The following PDGFC variants were observed in gnomAD, a reference collection of about 807,000 sequenced individuals.
PDGFC encodes the protein platelet derived growth factor C, also known as platelet-derived growth factor C.
Under a neutral mutation model 35.5 loss-of-function variants are expected in PDGFC, and 12 were observed. That is an observed-to-expected ratio of 0.34 (90% confidence interval 0.22 to 0.55). The LOEUF is 0.55. Ranked by LOEUF, PDGFC falls within the 20% of genes least tolerant of loss-of-function variation. PDGFC has a pLI of 0.91. For synonymous variants in PDGFC, 159 were observed against 148.8 expected, an observed-to-expected ratio of 1.07 and a Z score of -0.50; for missense variants, 322 against 412.4, an observed-to-expected ratio of 0.78 and a Z score of 1.90.
intron 1 of PDGFC, among the ~76,000 whole-genome samples, chr4:156,945,547 G>C (rs1468850706): frequency 6.6e-6 from 1 of 151,348 alleles, no homozygotes; most frequent in Non-Finnish European, 1.5e-5. Context: ...AAAGCAGGGG[G>C]GCAAATGAAT....
intron 1 of PDGFC, among the ~76,000 whole-genome samples, chr4:156,919,554 G>A (rs971091759): frequency 3.3e-5 from 5 of 152,014 alleles, no homozygotes; most frequent in African/African-American, 1.2e-4. Flanking sequence ...TACCCTTCAA[G>A]CAATTGCCTA....
chr4:156,877,924 C>A (rs1416337219), intron 1 of PDGFC, among the ~76,000 whole-genome samples: 2 of 152,116 alleles, frequency 1.3e-5, no homozygotes, highest in African/African-American at 4.8e-5. Context: ...ATTCTCACCC[C>A]TTTTCTAATA....
intron 3 of PDGFC, chr4:156,778,389 A>C (rs970994590): frequency 6.0e-6 from 1 of 167,928 alleles, no homozygotes; most frequent in Non-Finnish European, 1.3e-5. Flanking sequence ...ATTTTTATTA[A>C]TGAAAAATAA....
intron 1 of PDGFC, among the ~76,000 whole-genome samples, chr4:156,877,561 A>G (rs532987406): frequency 2.0e-5 from 3 of 152,180 alleles, no homozygotes; most frequent in Non-Finnish European, 4.4e-5. Flanking sequence ...TAAATCAAGT[A>G]CCAGTAGAGA....
chr4:156,898,406 C>T (rs192836512), intron 1 of PDGFC, among the ~76,000 whole-genome samples: 1 of 152,138 alleles, frequency 6.6e-6, no homozygotes. Context: ...CTAATAACTA[C>T]TGAAGTGATA....
At chr4:156,895,436 C>A (rs1413664415) in intron 1 of PDGFC, among the ~76,000 whole-genome samples, 9 of 152,034 alleles carry the variant, frequency 5.9e-5, no homozygotes, top group Admixed American at 5.9e-4. Context: ...AGTTCAAGAT[C>A]AGCCTGGCCA....
At chr4:156,859,682 A>C (rs1405760323) in intron 1 of PDGFC, among the ~76,000 whole-genome samples, 1 of 152,126 alleles carries the variant, frequency 6.6e-6, no homozygotes, top group South Asian at 2.1e-4. Context: ...GTCAATCTTA[A>C]AGTGATGTAA....
intron 1 of PDGFC, among the ~76,000 whole-genome samples, chr4:156,932,421 A>G (rs1197267493): frequency 6.6e-6 from 1 of 152,184 alleles, no homozygotes; most frequent in Non-Finnish European, 1.5e-5. Flanking sequence ...ATTATAAATC[A>G]TGCTGCTATA....
chr4:156,809,090 C>G (rs921806350), intron 3 of PDGFC, among the ~76,000 whole-genome samples: 3 of 151,968 alleles, frequency 2.0e-5, no homozygotes, highest in Non-Finnish European at 4.4e-5. Context: ...TGCCTTTACT[C>G]CCCACATGTC....
At chr4:156,920,007 A>G (rs550082521) in intron 1 of PDGFC, among the ~76,000 whole-genome samples, 6 of 152,210 alleles carry the variant, frequency 3.9e-5, no homozygotes, top group African/African-American at 1.4e-4. Flanking sequence ...CAGATCAAAA[A>G]GAGCCTGGCG....
intron 3 of PDGFC, among the ~76,000 whole-genome samples, chr4:156,788,231 T>C (rs1416280802): frequency 6.6e-6 from 1 of 151,254 alleles, no homozygotes; most frequent in Non-Finnish European, 1.5e-5. Context: ...ACAGAACACA[T>C]TGAGAGCAAA....
chr4:156,809,218 T>C (rs1037633761), intron 3 of PDGFC, among the ~76,000 whole-genome samples: 4 of 152,026 alleles, frequency 2.6e-5, no homozygotes, highest in Non-Finnish European at 5.9e-5. Flanking sequence ...TACCAATCAT[T>C]GTTAAATGAT....
In PDGFC at chr4:156,785,200, T is replaced by C. The variant is rs187286588; in HGVS notation, c.496-12307A>G. Among the ~76,000 whole-genome samples, 439 of 152,294 alleles carry C rather than the reference T, an allele frequency of 2.9e-3. 2 individuals are homozygous for C. The highest frequency in any genetic ancestry group is 4.4e-3 in the Non-Finnish European group (299 of 68,020). On this transcript the variant is annotated intron_variant, in intron 3 of 5. Coordinates refer to ENST00000502773, the MANE Select transcript of PDGFC (RefSeq NM_016205.3). The stretch of plus-strand genomic sequence containing the variant: ...CACCCAGGCTAAGATCTTACTGTTC[T>C]GAATTTTTTTTTGAGACGGAGTCTC...
At chr4:156,937,087 G>C (rs1273892822) in intron 1 of PDGFC, among the ~76,000 whole-genome samples, 2 of 152,092 alleles carry the variant, frequency 1.3e-5, no homozygotes, top group South Asian at 2.1e-4. Context: ...AGATGAGTCT[G>C]AGTGAAAAAA....
At chr4:156,917,181 A>G (rs1257805608) in intron 1 of PDGFC, among the ~76,000 whole-genome samples, 1 of 152,222 alleles carries the variant, frequency 6.6e-6, no homozygotes, top group East Asian at 1.9e-4. Context: ...GGCCTTCAAG[A>G]TCGATTTTTA....
At chr4:156,864,502 T>C (rs1729788254) in intron 1 of PDGFC, among the ~76,000 whole-genome samples, 1 of 152,180 alleles carries the variant, frequency 6.6e-6, no homozygotes, top group Admixed American at 6.5e-5. Flanking sequence ...TGGCTTGACT[T>C]GGGAAAAACG....
chr4:156,846,514 A>C (rs559090405), intron 2 of PDGFC, among the ~76,000 whole-genome samples: 1 of 151,898 alleles, frequency 6.6e-6, no homozygotes, highest in Non-Finnish European at 1.5e-5. Context: ...AAAAGACAAG[A>C]AGACTCTTCC....
chr4:156,964,631 C>T (rs1277779647), intron 1 of PDGFC, among the ~76,000 whole-genome samples: 1 of 151,956 alleles, frequency 6.6e-6, no homozygotes, highest in Non-Finnish European at 1.5e-5. Context: ...TAAAGAAATG[C>T]TTTTATAAAA....
intron 2 of PDGFC, among the ~76,000 whole-genome samples, chr4:156,828,968 G>A (rs530684940): frequency 6.6e-6 from 1 of 152,256 alleles, no homozygotes; most frequent in Non-Finnish European, 1.5e-5. Context: ...ATGGGATTCT[G>A]TGGAAACTAA....
Sources: allele counts gnomAD v4.1 joint callset (sites outside exome capture counted in the v4.1 genomes callset), GRCh38; gene constraint gnomAD v4.1.1; transcripts MANE v1.5; gene names NCBI Gene and HGNC (gene_info 2026-07-23, HGNC 2026-07-21).